The following KMT2C variants were observed in gnomAD, a reference collection of about 807,000 sequenced individuals.
KMT2C encodes the protein histone-lysine N-methyltransferase 2C.
KMT2C carries 88 observed loss-of-function variants against 507.9 expected under a neutral mutation model. That is an observed-to-expected ratio of 0.17 (90% CI 0.15 to 0.21). The LOEUF (loss-of-function observed/expected upper bound fraction) is 0.21. Among genes scored for constraint, KMT2C ranks in the 10% least tolerant of loss-of-function variants. The pLI is 1.00. For synonymous variants in KMT2C, 2,049 were observed against 2,080.8 expected (o/e 0.98, Z 0.42); for missense variants, 4,954 against 5,957.8 (o/e 0.83, Z 5.55).
Position 152,163,617 on chromosome 7 carries a change from A to C in KMT2C, c.9960T>G (p.Ile3320Met). ...QLQHQQHTTV[I>M]SGHTSPVRMP... is the part of the protein sequence containing the mutation. ...TTCTAACAGGGCTAGTATGGCCAGAAATAACTGTTGTGTGCTGCTGGTGCT... is the reference window on the plus strand; with the variant it reads ...TTCTAACAGGGCTAGTATGGCCAGACATAACTGTTGTGTGCTGCTGGTGCT... The change falls in exon 43 of 59, where the codon ATT becomes ATG. Residue 3320 changes from isoleucine to methionine, a missense_variant. Physicochemically the swap from Ile to Met is conservative, Grantham distance 10. Coordinates refer to ENST00000262189, the MANE Select transcript of KMT2C (RefSeq NM_170606.3). 1 of 1,608,678 alleles carries C rather than the reference A, an allele frequency of 6.2e-7. No individual in the cohort carries two copies. The highest frequency in any genetic ancestry group is 2.2e-5 in the East Asian group (1 of 44,808).
chr7:152,342,572 ACTTAC>A (rs1160025089), intron 2 of KMT2C, among the ~76,000 whole-genome samples: 3 of 152,228 alleles, frequency 2.0e-5, no homozygotes, highest in African/African-American at 7.2e-5. Context: ...ATGAATCACA[ACTTAC>A]CTGAGCAGAA....
At chr7:152,282,408 A>G (rs1286775669) in intron 6 of KMT2C, among the ~76,000 whole-genome samples, 1 of 152,244 alleles carries the variant, frequency 6.6e-6, no homozygotes, top group Admixed American at 6.5e-5. Flanking sequence ...ATAGAACACA[A>G]TTCATAATGA....
chr7:152,410,230 T>TTTAGTA (rs1292181589), intron 1 of KMT2C, among the ~76,000 whole-genome samples: 1 of 152,264 alleles, frequency 6.6e-6, no homozygotes, highest in Admixed American at 6.5e-5. Context: ...ACCAACATGG[T>TTTAGTA]GAAACCCCGT....
In KMT2C at chr7:152,302,702, C is replaced by T. The variant is rs142241441; in HGVS notation, c.849+7264G>A. ...TGTTGCCCAGGATGGAGTGCAGTGG[C>T]GAAAACTCAGCTCACTACAACCTCC... On this transcript the variant is annotated intron_variant, in intron 6 of 58. Coordinates refer to ENST00000262189, the MANE Select transcript of KMT2C (RefSeq NM_170606.3). Among the ~76,000 whole-genome samples the T allele has an allele frequency of 5.4e-3, 816 of 151,464 alleles. 6 individuals are homozygous for T. The highest frequency in any genetic ancestry group is 8.7e-3 in the Non-Finnish European group (593 of 67,826).
chr7:152,371,426 A>G (rs1272119527), intron 1 of KMT2C, among the ~76,000 whole-genome samples: 1 of 152,224 alleles, frequency 6.6e-6, no homozygotes, highest in Non-Finnish European at 1.5e-5. Flanking sequence ...CACTATCAAA[A>G]AAATCATCAA....
At chr7:152,322,673 T>A (rs544851364) in intron 3 of KMT2C, among the ~76,000 whole-genome samples, 1 of 151,896 alleles carries the variant, frequency 6.6e-6, no homozygotes, top group African/African-American at 2.4e-5. Context: ...CCTGAAAGCA[T>A]AGGCAACAAA....
At chr7:152,328,272 G>A (rs570869532) in intron 3 of KMT2C, among the ~76,000 whole-genome samples, 1 of 152,294 alleles carries the variant, frequency 6.6e-6, no homozygotes, top group African/African-American at 2.4e-5. Context: ...ACAAACACCA[G>A]TGTGTTCTTT....
chr7:152,307,984 A>G (rs981452008), intron 6 of KMT2C, among the ~76,000 whole-genome samples: 5 of 152,234 alleles, frequency 3.3e-5, no homozygotes, highest in African/African-American at 1.2e-4. Flanking sequence ...ACTTTTATGA[A>G]GTAATTCATA....
intron 1 of KMT2C, among the ~76,000 whole-genome samples, chr7:152,420,730 G>A (rs575210586): frequency 2.0e-5 from 3 of 151,950 alleles, no homozygotes; most frequent in Non-Finnish European, 4.4e-5. Flanking sequence ...AGCTACTCGG[G>A]AAGCTGAGGC....
intron 9 of KMT2C, among the ~76,000 whole-genome samples, chr7:152,258,617 C>T (rs1299611977): frequency 5.3e-5 from 8 of 151,974 alleles, no homozygotes; most frequent in African/African-American, 1.5e-4. Context: ...CTCTGCCTCC[C>T]GGGTTCAAGC....
chr7:152,216,769 A>C (rs532004117), intron 23 of KMT2C, among the ~76,000 whole-genome samples: 2 of 152,358 alleles, frequency 1.3e-5, no homozygotes, highest in Admixed American at 6.5e-5. Flanking sequence ...ATAATTTCTT[A>C]CTAACTCAAA....
At chr7:152,398,479 CA>C (rs2097550416) in intron 1 of KMT2C, among the ~76,000 whole-genome samples, 1 of 152,118 alleles carries the variant, frequency 6.6e-6, no homozygotes, top group South Asian at 2.1e-4. Context: ...ATACCCATAA[CA>C]AAAGTCAAGG....
intron 3 of KMT2C, among the ~76,000 whole-genome samples, chr7:152,323,698 G>A (rs1179272322): frequency 1.5e-5 from 2 of 137,288 alleles, no homozygotes; most frequent in Non-Finnish European, 3.0e-5. Flanking sequence ...AGGAAAGAAG[G>A]AAGGAAGGAA....
At chr7:152,193,986 A>C (rs2093888669) in intron 31 of KMT2C, 23 bp downstream of exon 31, 1 of 1,507,556 alleles carries the variant, frequency 6.6e-7, no homozygotes, top group African/African-American at 1.4e-5. Context: ...AATATAATGT[A>C]GAATTATAAA....
At chr7:152,380,174 G>A (rs1247943704) in intron 1 of KMT2C, among the ~76,000 whole-genome samples, 2 of 152,180 alleles carry the variant, frequency 1.3e-5, no homozygotes, top group Admixed American at 6.5e-5. Flanking sequence ...AGAAGTTGCA[G>A]TGAGCTGAGA....
rs570830437 is a variant in KMT2C at position 152,160,081 on chromosome 7, C to T, written c.11461-1009G>A. Among the ~76,000 whole-genome samples the T allele has an allele frequency of 7.9e-5, 12 of 152,242 alleles. No individual in the cohort carries two copies. The South Asian group carries it at 1.9e-3, about 24-fold the overall frequency. ...ATTCATAAATCAATGAGCTTGGCTG[C>T]GTTCAAATAAAACTTTTAAAATTCA... On this transcript the variant is annotated intron_variant, in intron 43 of 58. Coordinates refer to ENST00000262189, the MANE Select transcript of KMT2C (RefSeq NM_170606.3).
chr7:152,141,712 C>CAAAAAAAAAAAAAAAAAAAAAAAAAAAAA (rs1249621681), intron 55 of KMT2C, among the ~76,000 whole-genome samples: 2 of 61,880 alleles, frequency 3.2e-5, no homozygotes, highest in African/African-American at 1.2e-4. Flanking sequence ...GACTCTGTCT[C>CAAAAAAAAAAAAAAAAAAAAAAAAAAAAA]AAAAAAAAAA....
Position 152,163,723 on chromosome 7 carries a change from T to C in KMT2C, c.9854A>G (p.Gln3285Arg). 4 of 1,614,196 alleles carry C rather than the reference T, an allele frequency of 2.5e-6. No individual in the cohort carries two copies. Among genetic ancestry groups the C allele is most frequent in the Non-Finnish European group, 3.4e-6 (4 of 1,180,032 alleles). ...ACCTGGAATTAGGGGTGGCTGGGGC[T>C]GGACACTGGGCATCATGGTAGGTGG... ...MAPPTMMPSV[Q>R]PQPPLIPGAT... Residue 3285 changes from glutamine (Q) to arginine (R), a missense_variant, in exon 43 of 59, where the codon CAG (glutamine) becomes CGG (arginine). Transcript: ENST00000262189.
At chr7:152,226,219 C>CTTTGTTTTTTTTTTTTTTTTTTTTTT (rs2094926929) in intron 18 of KMT2C, among the ~76,000 whole-genome samples, 1 of 94,958 alleles carries the variant, frequency 1.1e-5, no homozygotes, top group African/African-American at 4.2e-5. Context: ...ATTACAAGGC[C>CTTTGTTTTTTTTTTTTTTTTTTTTTT]TTTTTTTTTT....
Sources: gnomAD v4.1 joint callset for allele counts (sites outside exome capture counted in the v4.1 genomes callset) on GRCh38, gnomAD v4.1.1 for gene constraint, MANE v1.5 for transcripts, NCBI Gene and HGNC (gene_info 2026-07-23, HGNC 2026-07-21) for gene names.